Variants in NIBAN1 observed in about 807,000 individuals in gnomAD.
The protein encoded by NIBAN1 is niban apoptosis regulator 1.
NIBAN1 carries 81 observed loss-of-function variants against 75.1 expected under a neutral mutation model. The ratio of observed to expected loss-of-function variants is 1.08; its 90% CI spans 0.90 to 1.30. NIBAN1 has a LOEUF of 1.30. Ranked by LOEUF, NIBAN1 falls within the 50% of genes most tolerant of loss-of-function variation. The pLI, the probability that NIBAN1 is intolerant of heterozygous loss-of-function variation, is 0.00. For synonymous variants in NIBAN1, 436 were observed against 424.8 expected, an observed-to-expected ratio of 1.03 and a Z score of -0.32; for missense variants, 1,133 against 1,128.1, an observed-to-expected ratio of 1.00 and a Z score of -0.06.
chr1:184,884,215 CTTTTTTTTTTTTTTT>C (rs11334000), intron 5 of NIBAN1, among the ~76,000 whole-genome samples: 3 of 66,800 alleles, frequency 4.5e-5, no homozygotes, highest in Admixed American at 1.9e-4. Flanking sequence ...ATCTGTGGCT[CTTTTTTTTTTTTTTT>C]TTTTTTTTTT....
chr1:184,911,163 T>C (rs995061050), intron 1 of NIBAN1, among the ~76,000 whole-genome samples: 3 of 152,174 alleles, frequency 2.0e-5, no homozygotes, highest in Non-Finnish European at 4.4e-5. Flanking sequence ...AAATACATTA[T>C]TGAGTCTCAA....
chr1:184,955,390 C>T (rs1658463596), intron 1 of NIBAN1, among the ~76,000 whole-genome samples: 1 of 64,194 alleles, frequency 1.6e-5, no homozygotes, highest in African/African-American at 4.6e-5. Context: ...GAGATGGAGA[C>T]TTGCTCTGTC....
chr1:184,937,811 A>G (rs1350987007), intron 1 of NIBAN1, among the ~76,000 whole-genome samples: 1 of 152,204 alleles, frequency 6.6e-6, no homozygotes, highest in East Asian at 1.9e-4. Flanking sequence ...CTCACCTGCA[A>G]AGTGGAGACA....
At chr1:184,931,085 C>T (rs886391890) in intron 1 of NIBAN1, among the ~76,000 whole-genome samples, 6 of 150,584 alleles carry the variant, frequency 4.0e-5, no homozygotes, top group Non-Finnish European at 7.4e-5. Flanking sequence ...CTGCAACCTC[C>T]ATCTTCTGGG....
chr1:184,942,066 TA>T (rs1207649083), intron 1 of NIBAN1, among the ~76,000 whole-genome samples: 1 of 152,188 alleles, frequency 6.6e-6, no homozygotes, highest in Non-Finnish European at 1.5e-5. Context: ...TACAGTTTTT[TA>T]AAAAAACAAA....
At chr1:184,874,650 C>A (rs1656189268) in intron 5 of NIBAN1, among the ~76,000 whole-genome samples, 1 of 150,116 alleles carries the variant, frequency 6.7e-6, no homozygotes, top group Non-Finnish European at 1.5e-5. Flanking sequence ...ATATATAACT[C>A]AAAACATATA....
At chr1:184,949,164 T>C (rs1313046669) in intron 1 of NIBAN1, among the ~76,000 whole-genome samples, 1 of 151,984 alleles carries the variant, frequency 6.6e-6, no homozygotes, top group Non-Finnish European at 1.5e-5. Context: ...CCATCCTGGC[T>C]AACACGGTGA....
intron 4 of NIBAN1, among the ~76,000 whole-genome samples, chr1:184,888,643 C>T (rs1049091317): frequency 1.3e-5 from 2 of 152,214 alleles, no homozygotes; most frequent in Non-Finnish European, 2.9e-5. Context: ...CTTGGGCCAA[C>T]TGGGATTAAT....
chr1:184,905,450 T>C (rs1439993939), intron 1 of NIBAN1, among the ~76,000 whole-genome samples: 2 of 152,222 alleles, frequency 1.3e-5, no homozygotes, highest in Non-Finnish European at 2.9e-5. Context: ...ATCTTCAATG[T>C]TTCCCTATTG....
At chr1:184,889,288 G>A (rs557379963) in intron 4 of NIBAN1, among the ~76,000 whole-genome samples, 1 of 152,294 alleles carries the variant, frequency 6.6e-6, no homozygotes, top group South Asian at 2.1e-4. Context: ...CTGTTTTTGA[G>A]TTGGAGAAAC....
intron 1 of NIBAN1, among the ~76,000 whole-genome samples, chr1:184,966,299 A>G (rs549189069): frequency 3.6e-4 from 55 of 152,338 alleles, no homozygotes; most frequent in African/African-American, 1.3e-3. Flanking sequence ...TTTACACTCT[A>G]GCAATGTAAG....
intron 8 of NIBAN1, among the ~76,000 whole-genome samples, chr1:184,819,750 G>T (rs1295724735): frequency 6.6e-6 from 1 of 152,168 alleles, no homozygotes; most frequent in Non-Finnish European, 1.5e-5. Flanking sequence ...AAGCACAAGT[G>T]GAGCTGGTAT....
At position 184,906,396 on chromosome 1, in the gene NIBAN1, C is replaced by T. The variant is rs529280459; in HGVS notation, c.56-7087G>A. ...CTGTAATCCTAGCACTTTGGGAGGC[C>T]GAGGCGGGTGGATCACCTGAGGTCA... is the stretch of plus-strand genomic sequence containing the variant. On this transcript the variant is annotated intron_variant, in intron 1 of 13. Coordinates refer to ENST00000367511, the MANE Select transcript of NIBAN1 (RefSeq NM_052966.4). 2.2e-4 allele frequency among the ~76,000 whole-genome samples: 34 copies of T among 152,102 alleles called. 1 individual carries two copies. The South Asian group carries it at 6.9e-3, about 31-fold the overall frequency.
chr1:184,970,776 C>T (rs1384581574), intron 1 of NIBAN1, among the ~76,000 whole-genome samples: 1 of 152,210 alleles, frequency 6.6e-6, no homozygotes, highest in East Asian at 1.9e-4. Flanking sequence ...AGCTGCGGCA[C>T]TGACTGTCCA....
chr1:184,884,839 T>C (rs1029925098), intron 4 of NIBAN1, 39 bp from the exon 5 acceptor site: 3 of 1,601,462 alleles, frequency 1.9e-6, no homozygotes, highest in African/African-American at 1.3e-5. Context: ...TTTTAAAACA[T>C]GTATCTTTTA....
At chr1:184,922,684 G>A (rs762868168) in intron 1 of NIBAN1, among the ~76,000 whole-genome samples, 11 of 152,178 alleles carry the variant, frequency 7.2e-5, no homozygotes, top group Non-Finnish European at 1.6e-4. Context: ...TCAGCTTACT[G>A]CAACCTCTGC....
chr1:184,877,863 G>A (rs1249476476), intron 5 of NIBAN1, among the ~76,000 whole-genome samples: 1 of 151,956 alleles, frequency 6.6e-6, no homozygotes, highest in Non-Finnish European at 1.5e-5. Flanking sequence ...ATCAAAAACT[G>A]TCCAGTGATT....
Position 184,890,149 on chromosome 1 carries a change from T to A in NIBAN1, c.392A>T (p.Glu131Val), listed in dbSNP as rs1656627900. 3 of 1,613,888 alleles carry A rather than the reference T, an allele frequency of 1.9e-6. No individual in the cohort carries two copies. Among genetic ancestry groups the A allele is most frequent in the South Asian group, 1.1e-5 (1 of 91,062 alleles). ...ATGCCTGTCAGACAACAGATTATAT[T>A]CATCTTCTGAGGTTAACACCTTGCC... ...AGGKVLTSED[E>V]YNLLSDRHFP... The change falls in exon 4 of 14, where the codon GAA becomes GTA. Residue 131 changes from glutamate (E) to valine (V), a missense_variant. By Grantham distance (121) the Glu-to-Val change is moderately radical. Transcript: ENST00000367511.
chr1:184,830,260 A>G (rs1654960833), intron 6 of NIBAN1, among the ~76,000 whole-genome samples: 1 of 152,250 alleles, frequency 6.6e-6, no homozygotes, highest in African/African-American at 2.4e-5. Context: ...TTGACTACTC[A>G]TCTATCTATT....
Sources: allele counts gnomAD v4.1 joint callset (sites outside exome capture counted in the v4.1 genomes callset), GRCh38; gene constraint gnomAD v4.1.1; transcripts MANE v1.5; gene names NCBI Gene and HGNC (gene_info 2026-07-23, HGNC 2026-07-21).